Variants in ANKRD30A observed in about 807,000 individuals in gnomAD.
ANKRD30A encodes the protein ankyrin repeat domain-containing protein 30A.
In ANKRD30A, 170 loss-of-function variants were observed where a neutral mutation model predicts 166.3. That is an observed-to-expected ratio of 1.02 (90% CI 0.90 to 1.16). The LOEUF (loss-of-function observed/expected upper bound fraction) is 1.16, where lower values mean the gene tolerates loss of function less well. Among genes scored for constraint, ANKRD30A ranks in the 50% most tolerant of loss-of-function variants. The pLI is 0.00. For missense variants in ANKRD30A, 1,630 were observed against 1,518.0 expected (o/e 1.07, Z -1.23); for synonymous variants, 564 against 508.9 (o/e 1.11, Z -1.46).
intron 19 of ANKRD30A, among the ~76,000 whole-genome samples, chr10:37,167,169 G>C (rs966333470): frequency 6.6e-5 from 10 of 151,426 alleles, no homozygotes; most frequent in Admixed American, 1.3e-4. Flanking sequence ...ATTTAGAAAA[G>C]TTTTACTGCA....
At chr10:37,248,001 A>G in the ANKRD30A span, 1 of 342,388 alleles carries the variant, frequency 2.9e-6, no homozygotes, top group Non-Finnish European at 5.7e-6. Context: ...AAGCCTGCTC[A>G]TGTACCCCTC....
rs568620116 is a variant in ANKRD30A at position 37,138,286 on chromosome 10, A to G, written c.820+1615A>G. Among the ~76,000 whole-genome samples the G allele has an allele frequency of 2.0e-5, 3 of 152,326 alleles. No homozygotes were observed. In the East Asian group the frequency reaches 5.8e-4, roughly 29 times the overall value. ...AACCACAAAGATGGGGAAAAAACAG[A>G]GCAGAAAAACTGGAAACTCTAAAAA... On this transcript the variant is annotated intron_variant, in intron 6 of 35. Coordinates refer to ENST00000361713, the MANE Select transcript of ANKRD30A (RefSeq NM_052997.3).
intron 31 of ANKRD30A, among the ~76,000 whole-genome samples, chr10:37,215,257 A>C (rs141518927): frequency 2.2e-3 from 326 of 151,466 alleles, no homozygotes; most frequent in Middle Eastern, 0.02. Flanking sequence ...TTCCAGGTAA[A>C]TCTATAAAAA....
chr10:37,165,576 A>C, intron 18 of ANKRD30A, among the ~76,000 whole-genome samples: 1 of 152,060 alleles, frequency 6.6e-6, no homozygotes, highest in Non-Finnish European at 1.5e-5. Context: ...TTGGGACCTG[A>C]AAATTTAATG....
At chr10:37,252,793 T>G in the ANKRD30A span, among the ~76,000 whole-genome samples, 2 of 152,192 alleles carry the variant, frequency 1.3e-5, no homozygotes, top group Non-Finnish European at 2.9e-5. Flanking sequence ...GTTAAAGTAT[T>G]AAAGGCGCTA....
At chr10:37,162,041 T>C (rs1461916647) in intron 15 of ANKRD30A, among the ~76,000 whole-genome samples, 2 of 151,796 alleles carry the variant, frequency 1.3e-5, no homozygotes, top group Non-Finnish European at 2.9e-5. Context: ...ATTTCCATGA[T>C]GAGTTTTACA....
At chr10:37,201,936 A>G (rs1240871524) in intron 31 of ANKRD30A, among the ~76,000 whole-genome samples, 8 of 152,100 alleles carry the variant, frequency 5.3e-5, no homozygotes, top group Non-Finnish European at 1.0e-4. Flanking sequence ...CGTATAGACC[A>G]GAAATTTTCA....
chr10:37,135,737 C>T (rs1836641913), intron 5 of ANKRD30A, among the ~76,000 whole-genome samples: 1 of 151,878 alleles, frequency 6.6e-6, no homozygotes, highest in South Asian at 2.1e-4. Context: ...AGTTTTCTGC[C>T]CTTGGTGTGA....
chr10:37,255,180 A>T, the ANKRD30A span, among the ~76,000 whole-genome samples: 1 of 152,208 alleles, frequency 6.6e-6, no homozygotes, highest in South Asian at 2.1e-4. Flanking sequence ...ATAAAATCAA[A>T]TACTGCATGT....
chr10:37,253,167 A>T, the ANKRD30A span, among the ~76,000 whole-genome samples: 1 of 152,194 alleles, frequency 6.6e-6, no homozygotes, highest in Non-Finnish European at 1.5e-5. Flanking sequence ...TTCAACTTGT[A>T]TCACTTCTTA....
At chr10:37,136,824 T>TGC (rs1478287827) in intron 6 of ANKRD30A, among the ~76,000 whole-genome samples, 153 bp downstream of exon 6, 11 of 108,902 alleles carry the variant, frequency 1.0e-4, no homozygotes, top group African/African-American at 3.8e-4. Context: ...TGTGTGTGTG[T>TGC]GTGTGTGTAT....
At chr10:37,220,886 G>A (rs924396070) in intron 34 of ANKRD30A, among the ~76,000 whole-genome samples, 4 of 151,008 alleles carry the variant, frequency 2.6e-5, no homozygotes, top group African/African-American at 7.3e-5. Flanking sequence ...TAAAGCCTTT[G>A]AAATAAAAAT....
intron 31 of ANKRD30A, among the ~76,000 whole-genome samples, chr10:37,203,977 C>T (rs180710767): frequency 7.2e-4 from 110 of 152,030 alleles, no homozygotes; most frequent in Middle Eastern, 3.4e-3. Flanking sequence ...CACTGCTTAA[C>T]GAAATAAAAG....
At chr10:37,155,808 G>A (rs1037320934) in intron 13 of ANKRD30A, among the ~76,000 whole-genome samples, 6 of 152,090 alleles carry the variant, frequency 3.9e-5, no homozygotes, top group African/African-American at 9.7e-5. Flanking sequence ...CAGGCCAGTC[G>A]TGGTGGCTCA....
downstream of ANKRD30A, chr10:37,232,654 T>TTATATTTATATATATATATATATA (rs1554832840): frequency 1.8e-5 from 1 of 54,214 alleles, no homozygotes; most frequent in African/African-American, 6.9e-5. Flanking sequence ...AGCATTGGTT[T>TTATATTTATATATATATATATATA]TATATATATA....
At chr10:37,157,678 T>A (rs1007788941) in intron 13 of ANKRD30A, among the ~76,000 whole-genome samples, 2 of 152,150 alleles carry the variant, frequency 1.3e-5, no homozygotes, top group Non-Finnish European at 2.9e-5. Context: ...TGGCCTGTAT[T>A]GGTTTGTTGA....
At chr10:37,228,813 G>T (rs1273294388) in intron 34 of ANKRD30A, among the ~76,000 whole-genome samples, 1 of 151,922 alleles carries the variant, frequency 6.6e-6, no homozygotes, top group Admixed American at 6.6e-5. Context: ...TACTTTAAAG[G>T]TGACTAATTT....
chr10:37,229,363 A>G (rs1843310703), intron 34 of ANKRD30A, among the ~76,000 whole-genome samples: 1 of 151,916 alleles, frequency 6.6e-6, no homozygotes, highest in South Asian at 2.1e-4. Context: ...TTATATTTTT[A>G]GTTGACATGT....
intron 7 of ANKRD30A, among the ~76,000 whole-genome samples, chr10:37,144,076 A>T (rs1368672673): frequency 6.6e-6 from 1 of 152,020 alleles, no homozygotes; most frequent in South Asian, 2.1e-4. Context: ...CTTTTACTGA[A>T]TTTTTTTTAA....
Sources: allele counts gnomAD v4.1 joint callset (sites outside exome capture counted in the v4.1 genomes callset), GRCh38; gene constraint gnomAD v4.1.1; transcripts MANE v1.5; gene names NCBI Gene and HGNC (gene_info 2026-07-23, HGNC 2026-07-21).